The following CAMK4 variants were observed in gnomAD, a reference collection of about 807,000 sequenced individuals.
CAMK4 encodes calcium/calmodulin-dependent protein kinase type IV.
CAMK4 carries 22 observed loss-of-function variants against 44.9 expected under a neutral mutation model. The observed-to-expected ratio is 0.49, with a 90% CI of 0.35 to 0.70. The LOEUF is 0.70. Ranked by LOEUF, CAMK4 falls within the 30% of genes least tolerant of loss-of-function variation. The pLI is 0.01. For synonymous variants in CAMK4, 218 were observed against 215.4 expected (o/e 1.01, Z -0.11); for missense variants, 498 against 586.8 (o/e 0.85, Z 1.56).
At chr5:111,432,618 G>GTGTGTATATATATATATACATATATA (rs1448066164) in intron 5 of CAMK4, among the ~76,000 whole-genome samples, 124 of 145,862 alleles carry the variant, frequency 8.5e-4, no homozygotes, top group Admixed American at 2.6e-3. Context: ...ATATATATGT[G>GTGTGTATATATATATATACATATATA]TGTGTATATA....
At chr5:111,415,434 C>A (rs752446447) in intron 5 of CAMK4, among the ~76,000 whole-genome samples, 1 of 152,070 alleles carries the variant, frequency 6.6e-6, no homozygotes, top group Non-Finnish European at 1.5e-5. Context: ...AGAATGCCAG[C>A]GAGAGCTGTG....
intron 7 of CAMK4, among the ~76,000 whole-genome samples, chr5:111,471,888 C>CTTATTTAT (rs71626645): frequency 1.6e-3 from 244 of 150,302 alleles, no homozygotes; most frequent in Admixed American, 2.0e-3. Context: ...CCAGAGCTCA[C>CTTATTTAT]TTATTTATTT....
At chr5:111,245,807 C>G (rs1180600114) in intron 1 of CAMK4, among the ~76,000 whole-genome samples, 1 of 152,186 alleles carries the variant, frequency 6.6e-6, no homozygotes, top group East Asian at 1.9e-4. Flanking sequence ...AAACTTAACA[C>G]AAAACTGTTG....
At chr5:111,256,724 C>CT (rs1216784713) in intron 1 of CAMK4, among the ~76,000 whole-genome samples, 1 of 152,032 alleles carries the variant, frequency 6.6e-6, no homozygotes, top group Admixed American at 6.6e-5. Context: ...CAGCCCAAGT[C>CT]TTTTTTTAAA....
At chr5:111,451,827 A>C (rs1035616159) in intron 7 of CAMK4, among the ~76,000 whole-genome samples, 3 of 152,142 alleles carry the variant, frequency 2.0e-5, no homozygotes, top group Non-Finnish European at 4.4e-5. Context: ...TGAGCCCAGG[A>C]GTTAGAGGCT....
intron 1 of CAMK4, among the ~76,000 whole-genome samples, chr5:111,278,193 G>T (rs1580521216): frequency 6.6e-6 from 1 of 152,278 alleles, no homozygotes; most frequent in East Asian, 1.9e-4. Flanking sequence ...AATAATTCTA[G>T]TGCTTTGCAC....
intron 1 of CAMK4, among the ~76,000 whole-genome samples, chr5:111,258,497 G>C (rs1037940519): frequency 1.6e-4 from 24 of 152,166 alleles, no homozygotes; most frequent in Admixed American, 1.4e-3. Context: ...TTACCTGGCA[G>C]TGGCAAGAGA....
At chr5:111,474,137 A>G (rs1307225592) in intron 8 of CAMK4, among the ~76,000 whole-genome samples, 1 of 152,228 alleles carries the variant, frequency 6.6e-6, no homozygotes, top group Non-Finnish European at 1.5e-5. Context: ...AGTTCAAAAC[A>G]AGGAGACTTA....
At chr5:111,250,932 AG>A (rs1220610195) in intron 1 of CAMK4, among the ~76,000 whole-genome samples, 1 of 152,148 alleles carries the variant, frequency 6.6e-6, no homozygotes. Flanking sequence ...TTGGGATTAC[AG>A]GGACGAGCCA....
chr5:111,237,655 C>G (rs1272934391), intron 1 of CAMK4, among the ~76,000 whole-genome samples: 2 of 152,126 alleles, frequency 1.3e-5, no homozygotes, highest in Non-Finnish European at 2.9e-5. Flanking sequence ...CTTCCTCTAC[C>G]CCTCTAGTTT....
chr5:111,263,857 G>T (rs910890014), intron 1 of CAMK4, among the ~76,000 whole-genome samples: 1 of 152,012 alleles, frequency 6.6e-6, no homozygotes, highest in Non-Finnish European at 1.5e-5. Context: ...TTTTCTTTGT[G>T]TCTTCACGTC....
chr5:111,294,524 A>G (rs1188050957), intron 1 of CAMK4, among the ~76,000 whole-genome samples: 2 of 152,206 alleles, frequency 1.3e-5, no homozygotes, highest in South Asian at 4.1e-4. Flanking sequence ...TTAAATTTTT[A>G]CCCTAGGGTT....
intron 1 of CAMK4, among the ~76,000 whole-genome samples, chr5:111,272,467 G>A (rs1231262563): frequency 6.6e-6 from 1 of 152,124 alleles, no homozygotes; most frequent in Non-Finnish European, 1.5e-5. Flanking sequence ...TGAGCCTAGA[G>A]CTGAGCAATA....
intron 1 of CAMK4, among the ~76,000 whole-genome samples, chr5:111,298,714 C>T (rs1747593822): frequency 6.6e-6 from 1 of 152,232 alleles, no homozygotes; most frequent in African/African-American, 2.4e-5. Flanking sequence ...CGCTCGGGCT[C>T]TGAATTACAC....
chr5:111,231,081 A>T (rs181776152), intron 1 of CAMK4, among the ~76,000 whole-genome samples: 40 of 152,328 alleles, frequency 2.6e-4, no homozygotes, highest in African/African-American at 9.6e-4. Flanking sequence ...TGAAGATTTC[A>T]TGACTCCAAT....
chr5:111,343,879 ACAG>A, intron 1 of CAMK4, 142 bp from the exon 2 acceptor site: 1 of 543,442 alleles, frequency 1.8e-6, no homozygotes, highest in Non-Finnish European at 3.3e-6. Context: ...AATACTCTTG[ACAG>A]CTAGGGCTGG....
At chr5:111,231,718 T>C (rs1748486847) in intron 1 of CAMK4, among the ~76,000 whole-genome samples, 1 of 96,132 alleles carries the variant, frequency 1.0e-5, no homozygotes, top group African/African-American at 3.0e-5. Context: ...TTACCTTATT[T>C]TGTTAACCTA....
At chr5:111,258,005 G>A (rs903544712) in intron 1 of CAMK4, among the ~76,000 whole-genome samples, 3 of 152,176 alleles carry the variant, frequency 2.0e-5, no homozygotes, top group African/African-American at 7.2e-5. Flanking sequence ...GGCCTAGCAC[G>A]GGGAGGGTGT....
chr5:111,302,656 C>G (rs1273153618), intron 1 of CAMK4: 1 of 24,306 alleles, frequency 4.1e-5, no homozygotes, highest in African/African-American at 2.5e-4. Flanking sequence ...AAGGCGGCAA[C>G]GAGGCTGGGG....
Sources: allele counts gnomAD v4.1 joint callset (sites outside exome capture counted in the v4.1 genomes callset), GRCh38; gene constraint gnomAD v4.1.1; transcripts MANE v1.5; gene names NCBI Gene and HGNC (gene_info 2026-07-23, HGNC 2026-07-21).